SLC4A5: variants seen among roughly 807,000 people sequenced by gnomAD.
SLC4A5 encodes solute carrier family 4 member 5.
In SLC4A5, 96 loss-of-function variants were observed where a neutral mutation model predicts 120.4. The observed-to-expected ratio is 0.80, with a 90% CI of 0.68 to 0.94. SLC4A5 has a LOEUF of 0.94. Ranked by LOEUF, SLC4A5 falls within the 40% of genes least tolerant of loss-of-function variation. SLC4A5 has a pLI of 0.00. For synonymous variants in SLC4A5, 550 were observed against 571.1 expected, an observed-to-expected ratio of 0.96 and a Z score of 0.53; for missense variants, 1,259 against 1,459.5, an observed-to-expected ratio of 0.86 and a Z score of 2.24.
chr2:74,221,218 G>A (rs554589398), intron 30 of SLC4A5, among the ~76,000 whole-genome samples: 1 of 152,170 alleles, frequency 6.6e-6, no homozygotes, highest in Non-Finnish European at 1.5e-5. Flanking sequence ...ATACCTTTGT[G>A]TGTTGTAACC....
chr2:74,311,828 T>C (rs1573091713), intron 6 of SLC4A5, among the ~76,000 whole-genome samples: 1 of 152,222 alleles, frequency 6.6e-6, no homozygotes, highest in South Asian at 2.1e-4. Flanking sequence ...AGGTGATTTA[T>C]ATGCTGTTCC....
chr2:74,291,629 G>A (rs901288531), intron 7 of SLC4A5, among the ~76,000 whole-genome samples: 4 of 152,172 alleles, frequency 2.6e-5, no homozygotes, highest in Non-Finnish European at 5.9e-5. Context: ...GATCAAGTAC[G>A]CCCATTTTAT....
At chr2:74,250,755 T>C (rs535102529) in intron 16 of SLC4A5, 1 of 499,400 alleles carries the variant, frequency 2.0e-6, no homozygotes, top group East Asian at 3.5e-5. Flanking sequence ...AGAGGGAAAG[T>C]CTGATGGGAA....
At chr2:74,340,889 T>C (rs1673608187) in intron 2 of SLC4A5, among the ~76,000 whole-genome samples, 1 of 152,136 alleles carries the variant, frequency 6.6e-6, no homozygotes, top group Non-Finnish European at 1.5e-5. Context: ...TGAAGTGGTA[T>C]CTTTAGGTAG....
At chr2:74,253,629 T>C (rs1199199548) in intron 14 of SLC4A5, among the ~76,000 whole-genome samples, 1 of 152,044 alleles carries the variant, frequency 6.6e-6, no homozygotes, top group Non-Finnish European at 1.5e-5. Context: ...TGCAGCTCAC[T>C]GCCAGCACTC....
rs1043655158 is a variant in SLC4A5, at chr2:74,302,624, T to C, written c.271+1865A>G. Reference sequence around the variant, plus strand: ...AGAATGAGACTGCGTCTCAAAAATATATATATGCCAAAGCGTTCTACATTC... The same window carrying C: ...AGAATGAGACTGCGTCTCAAAAATACATATATGCCAAAGCGTTCTACATTC... On this transcript the variant is annotated intron_variant, in intron 7 of 30. Coordinates refer to ENST00000394019, the Ensembl canonical transcript of SLC4A5. Among the ~76,000 whole-genome samples, 3 of 152,114 alleles carry C rather than the reference T, an allele frequency of 2.0e-5. No individual in the cohort carries two copies. The East Asian group carries it at 5.8e-4, about 29-fold the overall frequency.
intron 5 of SLC4A5, among the ~76,000 whole-genome samples, chr2:74,326,366 T>G (rs1376550972): frequency 6.6e-6 from 1 of 152,202 alleles, no homozygotes; most frequent in African/African-American, 2.4e-5. Flanking sequence ...CCATCCATCT[T>G]TAGATCATAG....
Position 74,314,063 on chromosome 2 carries a change from T to G in SLC4A5, c.79+882A>C, listed in dbSNP as rs535148983. Among the ~76,000 whole-genome samples, 69 of 152,352 alleles carry G rather than the reference T, an allele frequency of 4.5e-4. 1 individual carries two copies. The highest frequency in any genetic ancestry group is 1.6e-3 in the African/African-American group (65 of 41,590). On this transcript the variant is annotated intron_variant, in intron 6 of 30. Coordinates refer to ENST00000394019, the Ensembl canonical transcript of SLC4A5. ...TATAAGAACATGATTATGCAAATTG[T>G]AAGGGACTATACACAGGAAGAGTAT...
At chr2:74,252,417 G>A in intron 15 of SLC4A5, 29 bp from the exon 16 acceptor site, 1 of 1,599,546 alleles carries the variant, frequency 6.3e-7, no homozygotes. Context: ...GAAGGAGAGT[G>A]GGTCCCCCAG....
chr2:74,307,651 G>T (rs1429793036), intron 6 of SLC4A5: 2 of 979,938 alleles, frequency 2.0e-6, no homozygotes, highest in South Asian at 1.3e-5. Context: ...CTGACCTGGG[G>T]TCCCTTCTTC....
exon 18 of SLC4A5, chr2:74,248,372 G>A: frequency 5.0e-6 from 8 of 1,614,144 alleles, no homozygotes; most frequent in Non-Finnish European, 6.8e-6. Context: ...TCGAAGAGGA[G>A]CTTCTCAAAG....
At chr2:74,277,084 A>T (rs1406756432) in intron 8 of SLC4A5, among the ~76,000 whole-genome samples, 1 of 152,102 alleles carries the variant, frequency 6.6e-6, no homozygotes, top group Non-Finnish European at 1.5e-5. Flanking sequence ...CTCCATTTGT[A>T]TGAGTTAGCC....
At chr2:74,291,324 C>G (rs1672159763) in intron 7 of SLC4A5, among the ~76,000 whole-genome samples, 1 of 152,226 alleles carries the variant, frequency 6.6e-6, no homozygotes, top group African/African-American at 2.4e-5. Context: ...CAAGTGCTTA[C>G]TGAGTACTTA....
At chr2:74,319,633 T>A (rs138698607) in intron 5 of SLC4A5, 3 of 152,144 alleles carry the variant, frequency 2.0e-5, no homozygotes, top group Admixed American at 2.0e-4. Flanking sequence ...CCCCTCCCTA[T>A]ATGATTGTTT....
chr2:74,269,730 T>C (rs1217628109), intron 8 of SLC4A5, among the ~76,000 whole-genome samples: 1 of 152,192 alleles, frequency 6.6e-6, no homozygotes, highest in East Asian at 1.9e-4. Context: ...GCCCAGTGCA[T>C]GGGGCCAGTT....
At chr2:74,219,176 GGTGT>G (rs58141033) in intron 30 of SLC4A5, among the ~76,000 whole-genome samples, 6,716 of 134,250 alleles carry the variant, frequency 0.05, 149 homozygotes, top group South Asian at 0.081. Flanking sequence ...GCTCTTTGGA[GGTGT>G]GTGTGTGTGT....
chr2:74,228,132 C>A (rs112755463), intron 25 of SLC4A5, among the ~76,000 whole-genome samples: 2 of 152,172 alleles, frequency 1.3e-5, no homozygotes, highest in African/African-American at 4.8e-5. Context: ...CTGCACCGTG[C>A]GGAGGCCATG....
chr2:74,261,106 T>G (rs1671119685), intron 11 of SLC4A5, among the ~76,000 whole-genome samples: 1 of 152,210 alleles, frequency 6.6e-6, no homozygotes, highest in Non-Finnish European at 1.5e-5. Flanking sequence ...GTGTTCTGCA[T>G]GCTGGGCCAC....
At chr2:74,242,166 T>C in intron 19 of SLC4A5, 114 bp from the exon 20 acceptor site, 1 of 894,624 alleles carries the variant, frequency 1.1e-6, no homozygotes, top group Non-Finnish European at 1.7e-6. Context: ...TGGCTTCCAT[T>C]GTGAGGGCAG....
Sources: gnomAD v4.1 joint callset for allele counts (sites outside exome capture counted in the v4.1 genomes callset) on GRCh38, gnomAD v4.1.1 for gene constraint, MANE v1.5 for transcripts, NCBI Gene and HGNC (gene_info 2026-07-23, HGNC 2026-07-21) for gene names.